The following DGKB variants were observed in gnomAD, a reference collection of about 807,000 sequenced individuals.
DGKB encodes the protein diacylglycerol kinase beta, also known as 90 kDa diacylglycerol kinase.
A neutral mutation model predicts 114.3 loss-of-function variants in DGKB; 67 were observed. The observed-to-expected ratio is 0.59, with a 90% CI of 0.48 to 0.72. DGKB has a LOEUF of 0.72. Among genes scored for constraint, DGKB ranks in the 30% least tolerant of loss-of-function variants. The pLI is 0.00. For missense variants in DGKB, 907 were observed against 975.2 expected (o/e 0.93, Z 0.93); for synonymous variants, 398 against 323.1 (o/e 1.23, Z -2.49).
In DGKB at chr7:14,148,778, T is replaced by G; in HGVS notation, c.*353A>C. On this transcript the variant is annotated 3_prime_UTR_variant, in exon 26 of 26. Transcript: ENST00000402815. ...AATTGGAATCACACTGAGAATCACG[T>G]TTCCCATGGTATTTCCTTTTTCATG... 2 of 312,968 alleles carry G rather than the reference T, an allele frequency of 6.4e-6. No homozygotes were observed. The highest frequency in any genetic ancestry group is 6.4e-5 in the South Asian group (2 of 31,152). The allele number at this position is 312,968 out of a possible 1,614,324, so 19.4% of individuals were successfully genotyped here. A position where few individuals can be genotyped will look rare whatever the true frequency, so the allele number is the denominator to read the frequency against.
intron 25 of DGKB, among the ~76,000 whole-genome samples, chr7:14,151,474 A>T (rs1782199228): frequency 6.6e-6 from 1 of 151,988 alleles, no homozygotes; most frequent in Non-Finnish European, 1.5e-5. Context: ...TTTTAAAAAA[A>T]AAAATTACAT....
At chr7:14,658,794 A>C (rs575786399) in intron 13 of DGKB, among the ~76,000 whole-genome samples, 1 of 151,956 alleles carries the variant, frequency 6.6e-6, no homozygotes, top group Non-Finnish European at 1.5e-5. Context: ...ATTAATTTTA[A>C]TACTAAAGAA....
intron 1 of DGKB, among the ~76,000 whole-genome samples, chr7:14,913,811 C>T (rs1411548138): frequency 1.3e-5 from 2 of 152,104 alleles, no homozygotes; most frequent in Non-Finnish European, 2.9e-5. Flanking sequence ...CTCATCCACA[C>T]ATCAAGACAA....
At chr7:14,740,072 G>A (rs757386470) in intron 4 of DGKB, among the ~76,000 whole-genome samples, 65 of 152,364 alleles carry the variant, frequency 4.3e-4, no homozygotes, top group Admixed American at 2.5e-3. Context: ...GGGGGCTAGA[G>A]GCCCCGTGCA....
At chr7:14,713,888 C>A (rs1437554442) in intron 6 of DGKB, among the ~76,000 whole-genome samples, 1 of 151,704 alleles carries the variant, frequency 6.6e-6, no homozygotes, top group Non-Finnish European at 1.5e-5. Flanking sequence ...TAATTGATAA[C>A]TTGATAAGCA....
At chr7:14,958,223 C>T (rs1324216288) in intron 1 of DGKB, among the ~76,000 whole-genome samples, 3 of 151,922 alleles carry the variant, frequency 2.0e-5, no homozygotes, top group Admixed American at 6.6e-5. Context: ...CTAAGAGCTG[C>T]AAAGTTTTCC....
At chr7:14,454,485 T>A (rs1184917689) in intron 21 of DGKB, among the ~76,000 whole-genome samples, 1 of 152,090 alleles carries the variant, frequency 6.6e-6, no homozygotes, top group Non-Finnish European at 1.5e-5. Flanking sequence ...AGAAAACCAT[T>A]CCAATTTACA....
chr7:14,675,564 A>G (rs1332046433), intron 12 of DGKB, among the ~76,000 whole-genome samples: 1 of 151,798 alleles, frequency 6.6e-6, no homozygotes, highest in Non-Finnish European at 1.5e-5. Flanking sequence ...GAGCATAGGT[A>G]CTGACAGTTG....
At chr7:14,786,458 C>T (rs77628204) in intron 2 of DGKB, among the ~76,000 whole-genome samples, 1 of 152,188 alleles carries the variant, frequency 6.6e-6, no homozygotes, top group South Asian at 2.1e-4. Flanking sequence ...GGAGTGGCTG[C>T]TGCAAAAGAG....
At chr7:14,613,305 A>C (rs1373865367) in intron 16 of DGKB, 35 bp downstream of exon 16, 1 of 1,329,776 alleles carries the variant, frequency 7.5e-7, no homozygotes, top group Non-Finnish European at 1.0e-6. Context: ...TTACATATAC[A>C]TGACATAGAC....
At chr7:14,883,580 T>G (rs1038298489) in intron 1 of DGKB, among the ~76,000 whole-genome samples, 2 of 152,034 alleles carry the variant, frequency 1.3e-5, no homozygotes, top group African/African-American at 2.4e-5. Flanking sequence ...GAGATTGAGA[T>G]AGCTGCAAGC....
chr7:14,211,318 A>ATTTACTCTCGTGTTTTGTGAT lies in DGKB; in HGVS notation c.2123-33168_2123-33167insATCACAAAACACGAGAGTAAA, dbSNP rs1787783987. Among the ~76,000 whole-genome samples, 8 of 57,768 alleles carry ATTTACTCTCGTGTTTTGTGAT rather than the reference A, an allele frequency of 1.4e-4. No homozygotes were observed. In the African/African-American group the frequency reaches 2.2e-3, roughly 16 times the overall value. The allele number at this position is 57,768 out of a possible 152,430, so 37.9% of individuals were successfully genotyped here. A position where few individuals can be genotyped will look rare whatever the true frequency, so the allele number is the denominator to read the frequency against. On this transcript the variant is annotated intron_variant, in intron 23 of 25. Coordinates refer to ENST00000402815, the MANE Select transcript of DGKB (RefSeq NM_001350709.2). ...GATATTTACTCTCATGTTTTGTGAT[A>ATTTACTCTCGTGTTTTGTGAT]TTTACTCTCATGTTTTGTGATTTTA...
intron 1 of DGKB, among the ~76,000 whole-genome samples, chr7:14,870,725 G>A (rs748865089): frequency 1.3e-5 from 2 of 152,112 alleles, no homozygotes; most frequent in South Asian, 2.1e-4. Context: ...AACCCAGGAG[G>A]GGGAGGTTGC....
intron 22 of DGKB, among the ~76,000 whole-genome samples, chr7:14,341,157 G>T (rs955302348): frequency 6.6e-6 from 1 of 151,760 alleles, no homozygotes; most frequent in South Asian, 2.1e-4. Flanking sequence ...TCAAACAGTC[G>T]CAAAGAACAA....
chr7:14,439,367 G>C (rs1031924752), intron 21 of DGKB, among the ~76,000 whole-genome samples: 1 of 151,958 alleles, frequency 6.6e-6, no homozygotes, highest in Non-Finnish European at 1.5e-5. Flanking sequence ...CTTGAATAAC[G>C]ATGAATAGAA....
chr7:14,460,565 T>A (rs1025698255), intron 21 of DGKB, among the ~76,000 whole-genome samples: 3 of 151,942 alleles, frequency 2.0e-5, no homozygotes, highest in Non-Finnish European at 4.4e-5. Flanking sequence ...CTCTCCTAAA[T>A]ATATATGCAT....
chr7:14,715,152 T>C (rs1276986329), intron 6 of DGKB, among the ~76,000 whole-genome samples: 2 of 152,196 alleles, frequency 1.3e-5, no homozygotes, highest in South Asian at 2.1e-4. Context: ...TCAATCATTA[T>C]AAATCAAGAG....
intron 1 of DGKB, among the ~76,000 whole-genome samples, chr7:14,897,256 G>A (rs1200904815): frequency 2.0e-5 from 3 of 151,872 alleles, no homozygotes; most frequent in African/African-American, 7.2e-5. Context: ...AATGGAATTT[G>A]AAATTAGAAT....
At chr7:14,415,157 C>A (rs923626149) in intron 21 of DGKB, among the ~76,000 whole-genome samples, 1 of 151,352 alleles carries the variant, frequency 6.6e-6, no homozygotes, top group African/African-American at 2.4e-5. Flanking sequence ...TATTTCTATT[C>A]CTTTTTGGAA....
Sources: allele counts gnomAD v4.1 joint callset (sites outside exome capture counted in the v4.1 genomes callset), GRCh38; gene constraint gnomAD v4.1.1; transcripts MANE v1.5; gene names NCBI Gene and HGNC (gene_info 2026-07-23, HGNC 2026-07-21).